ASB6: variants seen among roughly 807,000 people sequenced by gnomAD.
ASB6 encodes ankyrin repeat and SOCS box protein 6.
ASB6 carries 24 observed loss-of-function variants against 28.6 expected under a neutral mutation model. The observed-to-expected ratio is 0.84, with a 90% CI of 0.61 to 1.18. The LOEUF is 1.18. Among genes scored for constraint, ASB6 ranks in the 50% most tolerant of loss-of-function variants. The pLI, the probability that ASB6 is intolerant of heterozygous loss-of-function variation, is 0.00. For missense variants in ASB6, 519 were observed against 559.8 expected (o/e 0.93, Z 0.74); for synonymous variants, 267 against 243.4 (o/e 1.10, Z -0.90).
chr9:129,635,566 G>C lies in ASB6; in HGVS notation c.*2224C>G. On this transcript the variant is annotated 3_prime_UTR_variant, in exon 6 of 6. Transcript: ENST00000277458. ...ACGCTGGCGGTTCGTGAGTGTCGAG[G>C]CACCACTAAATATAGCTGTCTGCCG... 7.3e-7 allele frequency: 1 copy of C among 1,370,394 alleles called. No homozygotes were observed. Among genetic ancestry groups the C allele is most frequent in the Non-Finnish European group, 1.0e-6 (1 of 1,002,734 alleles). 84.9% of individuals were successfully genotyped at this position (1,370,394 alleles called of 1,614,324 possible).
rs1831598875 is a variant in ASB6 at position 129,638,035 on chromosome 9, G to A, written c.1021C>T (p.Gln341Ter). The A allele has an allele frequency of 1.9e-6, 3 of 1,614,166 alleles. No homozygotes were observed. The highest frequency in any genetic ancestry group is 2.5e-6 in the Non-Finnish European group (3 of 1,180,026). Residue 341 changes from glutamine (Q) to a stop codon, truncating the protein, a stop_gained, in exon 6 of 6, where the codon CAG (glutamine) becomes TAG (stop). Transcript: ENST00000277458. LOFTEE classifies it high-confidence loss of function. ...TGGATATCGAAGTTTTCGGGCAGCT[G>A]GAGTTTCTGAGAGTTGGTCACCATG... ...DLMVTNSQKL[Q>*]LPENFDIHPV...
chr9:129,634,701 T>G lies in ASB6; in HGVS notation c.*3089A>C. ...GCCTAACAGCACACCTCGAGCGCTG[T>G]GCCCTGGGCTGCTGACGTGGCGGCA... On this transcript the variant is annotated 3_prime_UTR_variant, in exon 6 of 6. Transcript: ENST00000277458. 4.5e-6 allele frequency: 1 copy of G among 224,110 alleles called. No homozygotes were observed. The highest frequency in any genetic ancestry group is 8.8e-6 in the Non-Finnish European group (1 of 113,354). The allele number at this position is 224,110 out of a possible 1,614,324, so 13.9% of individuals were successfully genotyped here.
Position 129,639,309 on chromosome 9 carries a change from A to T in ASB6, c.404T>A (p.Ile135Asn). 6.2e-7 allele frequency: 1 copy of T among 1,610,632 alleles called. No individual in the cohort carries two copies. The highest frequency in any genetic ancestry group is 8.5e-7 in the Non-Finnish European group (1 of 1,177,496). The change falls in exon 4 of 6, where the codon ATC (isoleucine) becomes AAC (asparagine). Residue 135 changes from isoleucine (I) to asparagine (N), a missense_variant and splice_region_variant. Ile to Asn is a moderately radical substitution (Grantham distance 149). Coordinates refer to ENST00000277458, the MANE Select transcript of ASB6 (RefSeq NM_017873.4). ...CAGGTCCAAGGGGCTACTCTCGTGG[A>T]TCTGAGCCAAGGAAGCACAGCCAGG... ...HGADVNRRDR[I>N]HESSPLDLAS...
chr9:129,638,276 C>A lies in ASB6; in HGVS notation c.780G>T (p.Glu260Asp), dbSNP rs1290016608. Residue 260 changes from glutamate (E) to aspartate (D), a missense_variant, in exon 6 of 6, where the codon GAG becomes GAT. Coordinates refer to ENST00000277458, the MANE Select transcript of ASB6 (RefSeq NM_017873.4). ...GADPSECPAH[E>D]SLTHICLKSF... The stretch of plus-strand genomic sequence containing the variant: ...TCTTCAGGCAGATGTGGGTGAGGGA[C>A]TCGTGGGCTGGGCACTCGCTGGGGT... 1 of 1,613,356 alleles carries A rather than the reference C, an allele frequency of 6.2e-7. No individual in the cohort carries two copies. The highest frequency in any genetic ancestry group is 2.2e-5 in the East Asian group (1 of 44,886).
rs779632244 is a variant in ASB6 at position 129,635,426 on chromosome 9, G to A, written c.*2364C>T. On this transcript the variant is annotated 3_prime_UTR_variant, in exon 6 of 6. Transcript: ENST00000277458. ...CGAGGAGAGGCAGGAGAACCTCCCC[G>A]ATGAGATCTACCATGTCTATAGCTT... The A allele has an allele frequency of 4.0e-5, 64 of 1,612,614 alleles. No homozygotes were observed. The highest frequency in any genetic ancestry group is 5.2e-5 in the Non-Finnish European group (61 of 1,179,846).
Position 129,634,906 on chromosome 9 carries a change from G to A in ASB6, c.*2884C>T, listed in dbSNP as rs1358558792. On this transcript the variant is annotated 3_prime_UTR_variant, in exon 6 of 6. Transcript: ENST00000277458. ...ACTCTTAGCCCAGGTTCACTCCTCC[G>A]ATCCAAGCCTGGCAGGGGTGGGGCA... 1.5e-5 allele frequency: 6 copies of A among 393,110 alleles called. No individual in the cohort carries two copies. Among genetic ancestry groups the A allele is most frequent in the South Asian group, 5.9e-5 (2 of 33,938 alleles). The allele number at this position is 393,110 out of a possible 1,614,324, so 24.4% of individuals were successfully genotyped here. A position where few individuals can be genotyped will look rare whatever the true frequency, so the allele number is the denominator to read the frequency against.
chr9:129,635,603 T>C lies in ASB6; in HGVS notation c.*2187A>G, dbSNP rs1831506849. 2.8e-6 allele frequency: 3 copies of C among 1,088,632 alleles called. No individual in the cohort carries two copies. The highest frequency in any genetic ancestry group is 1.6e-5 in the African/African-American group (1 of 63,684). 67.4% of individuals were successfully genotyped at this position (1,088,632 alleles called of 1,614,324 possible). A position where few individuals can be genotyped will look rare whatever the true frequency, so the allele number is the denominator to read the frequency against. On this transcript the variant is annotated 3_prime_UTR_variant, in exon 6 of 6. Transcript: ENST00000277458. Reference sequence around the variant, plus strand: ...ATAGCTGTCTGCCGTCCACTCATTATGCGGGCTCTTCTTCAAAAGGCAAGG... The same window carrying C: ...ATAGCTGTCTGCCGTCCACTCATTACGCGGGCTCTTCTTCAAAAGGCAAGG...
rs765283493 is a variant in ASB6 at position 129,639,159 on chromosome 9, C to G, written c.511+43G>C. The G allele has an allele frequency of 3.2e-6, 5 of 1,550,680 alleles. No individual in the cohort carries two copies. The South Asian group carries it at 6.0e-5, about 19-fold the overall frequency. On this transcript the variant is annotated intron_variant, in intron 4 of 5. Transcript: ENST00000277458. ...CACCCTGGGTGTCCCCCACAAGGTG[C>G]CTGGGGGCCCAGCTGTCCTGCTTTC...
Position 129,637,639 on chromosome 9 carries a change from A to G in ASB6, c.*151T>C. On this transcript the variant is annotated 3_prime_UTR_variant, in exon 6 of 6. Coordinates refer to ENST00000277458, the MANE Select transcript of ASB6 (RefSeq NM_017873.4). Reference sequence around the variant, plus strand: ...TGCACCCTTCACCACTGGAGTGATCACAGCTTCAGGCTCTACCTGGCTGGC... The same window carrying G: ...TGCACCCTTCACCACTGGAGTGATCGCAGCTTCAGGCTCTACCTGGCTGGC... 1.3e-6 allele frequency: 1 copy of G among 760,990 alleles called. No individual in the cohort carries two copies. The highest frequency in any genetic ancestry group is 1.9e-6 in the Non-Finnish European group (1 of 514,348). The allele number at this position is 760,990 out of a possible 1,614,324, so 47.1% of individuals were successfully genotyped here.
rs1202339866 is a variant in ASB6 at position 129,639,395 on chromosome 9, CACTT to C, written c.402+3_402+6del. On this transcript the variant is annotated splice_donor_5th_base_variant and intron_variant, in intron 3 of 5. Coordinates refer to ENST00000277458, the MANE Select transcript of ASB6 (RefSeq NM_017873.4). Reference sequence around the variant, plus strand: ...CTGCTTCAAAGCAAGCTGGACCTGGCACTTACCCGGTCCCTCCGATTAACGTCGG... The same window carrying C: ...CTGCTTCAAAGCAAGCTGGACCTGGCACCCGGTCCCTCCGATTAACGTCGG... 1.9e-6 allele frequency: 3 copies of C among 1,607,226 alleles called. No individual in the cohort carries two copies. The highest frequency in any genetic ancestry group is 2.6e-6 in the Non-Finnish European group (3 of 1,174,898).
chr9:129,641,017 G>A (rs1831685299), intron 1 of ASB6: 1 of 338,184 alleles, frequency 3.0e-6, no homozygotes, highest in Non-Finnish European at 5.4e-6. Flanking sequence ...CTGGGCTGCT[G>A]GGACTGAAGG....
chr9:129,638,150 G>A lies in ASB6; in HGVS notation c.906C>T (p.Ile302=). The part of the protein sequence containing the change: ...HGASCWSGFH[I]IFERLCSHPG... ...GGTGGGAACAGAGCCTCTCAAAGAT[G>A]ATGTGAAAGCCAGACCAGCAGGACG... The change falls in exon 6 of 6, where the codon ATC becomes ATT. Residue 302 remains isoleucine (I), a synonymous_variant. Coordinates refer to ENST00000277458, the MANE Select transcript of ASB6 (RefSeq NM_017873.4). 1 of 1,613,992 alleles carries A rather than the reference G, an allele frequency of 6.2e-7. No individual in the cohort carries two copies. Among genetic ancestry groups the A allele is most frequent in the South Asian group, 1.1e-5 (1 of 91,072 alleles).
At position 129,639,442 on chromosome 9, in the gene ASB6, A is replaced by C; in HGVS notation, c.362T>G (p.Leu121Arg). 1.2e-6 allele frequency: 2 copies of C among 1,613,780 alleles called. No individual in the cohort carries two copies. Among genetic ancestry groups the C allele is most frequent in the Middle Eastern group, 1.7e-4 (1 of 6,060 alleles). ...VLRNQPDMVE[L>R]LVHHGADVNR... Reference sequence around the variant, plus strand: ...AACGTCGGCCCCGTGATGCACCAGCAGCTCCACCATGTCCGGCTGGTTCCG... The same window carrying C: ...AACGTCGGCCCCGTGATGCACCAGCCGCTCCACCATGTCCGGCTGGTTCCG... Residue 121 changes from leucine (L) to arginine (R), a missense_variant, in exon 3 of 6, where the codon CTG (leucine) becomes CGG (arginine). By Grantham distance (102) the Leu-to-Arg change is moderately radical. Coordinates refer to ENST00000277458, the MANE Select transcript of ASB6 (RefSeq NM_017873.4).
chr9:129,641,778 C>T, intron 1 of ASB6, 109 bp downstream of exon 1: 1 of 1,174,226 alleles, frequency 8.5e-7, no homozygotes, highest in Non-Finnish European at 1.1e-6. Context: ...TCCGCCCGTC[C>T]CTTCCTCTGT....
At chr9:129,639,894 C>T (rs139271920) in intron 2 of ASB6, among the ~76,000 whole-genome samples, 2,217 of 152,318 alleles carry the variant, frequency 0.015, 38 homozygotes, top group Middle Eastern at 0.054. Flanking sequence ...CCGGCCCTCC[C>T]GTCTCAGCTC....
At position 129,640,711 on chromosome 9, in the gene ASB6, A is replaced by G. The variant is rs757466521; in HGVS notation, c.125T>C (p.Val42Ala). ...AAGGATTCGGCTCTCCTCGCTGGCGACATAACTGGGCCTGGGACAGGAGAG... is the reference window on the plus strand; with the variant it reads ...AAGGATTCGGCTCTCCTCGCTGGCGGCATAACTGGGCCTGGGACAGGAGAG... ...RQESLDRPSY[V>A]ASEESRILVL... Residue 42 changes from valine to alanine, a missense_variant, in exon 2 of 6, where the codon GTC becomes GCC. Physicochemically the swap from Val to Ala is moderately conservative, Grantham distance 64. Coordinates refer to ENST00000277458, the MANE Select transcript of ASB6 (RefSeq NM_017873.4). 2 of 1,613,988 alleles carry G rather than the reference A, an allele frequency of 1.2e-6. No individual in the cohort carries two copies. Among genetic ancestry groups the G allele is most frequent in the East Asian group, 2.2e-5 (1 of 44,876 alleles).
rs1831445848 is a variant in ASB6, at chr9:129,635,014, C to T, written c.*2776G>A. The T allele has an allele frequency of 1.5e-6, 1 of 651,414 alleles. No individual in the cohort carries two copies. Among genetic ancestry groups the T allele is most frequent in the Admixed American group, 3.0e-5 (1 of 33,810 alleles). The allele number at this position is 651,414 out of a possible 1,614,324, so 40.4% of individuals were successfully genotyped here. A position where few individuals can be genotyped will look rare whatever the true frequency, so the allele number is the denominator to read the frequency against. On this transcript the variant is annotated 3_prime_UTR_variant, in exon 6 of 6. Transcript: ENST00000277458. ...GCTTAATGTGTCTTTAGGTAGATGA[C>T]CTCTGAGCCACAGTTTCCTATTCTA... is the stretch of plus-strand genomic sequence containing the variant.
Position 129,639,208 on chromosome 9 carries a change from T to TGTCAGCGGCATTGAC in ASB6, c.490_504dup (p.Val164_Asp168dup). 1 of 1,606,644 alleles carries TGTCAGCGGCATTGAC rather than the reference T, an allele frequency of 6.2e-7. No individual in the cohort carries two copies. The highest frequency in any genetic ancestry group is 8.5e-7 in the Non-Finnish European group (1 of 1,176,508). On this transcript the variant is annotated inframe_insertion, in exon 4 of 6. Coordinates refer to ENST00000277458, the MANE Select transcript of ASB6 (RefSeq NM_017873.4). ...TCCTGCAGGAGGCACCCACCATGCT[T>TGTCAGCGGCATTGAC]GTCAGCGGCATTGACATCAGCTCCA...
In ASB6 at chr9:129,637,874, C is replaced by T. The variant is rs772763780; in HGVS notation, c.1182G>A (p.Val394=). 4 of 1,552,806 alleles carry T rather than the reference C, an allele frequency of 2.6e-6. No homozygotes were observed. The highest frequency in any genetic ancestry group is 1.4e-5 in the African/African-American group (1 of 72,984). ...RLYLQPWPVD[V]KVKALPLPDR... is the part of the protein sequence containing the mutation. ...CGGGCAGAGGCAGGGCTTTGACCTTCACATCCACAGGCCACGGCTGAAGGT... is the reference window on the plus strand; with the variant it reads ...CGGGCAGAGGCAGGGCTTTGACCTTTACATCCACAGGCCACGGCTGAAGGT... The change falls in exon 6 of 6, where the codon GTG becomes GTA. Residue 394 remains valine, a synonymous_variant. Coordinates refer to ENST00000277458, the MANE Select transcript of ASB6 (RefSeq NM_017873.4).
Sources: allele counts gnomAD v4.1 joint callset (sites outside exome capture counted in the v4.1 genomes callset), GRCh38; gene constraint gnomAD v4.1.1; transcripts MANE v1.5; gene names NCBI Gene and HGNC (gene_info 2026-07-23, HGNC 2026-07-21).